The following PCDHA9 variants were observed in gnomAD, a reference collection of about 807,000 sequenced individuals.
PCDHA9 encodes protocadherin alpha-9.
A neutral mutation model predicts 62.0 loss-of-function variants in PCDHA9; 62 were observed. The observed-to-expected ratio is 1.00, with a 90% CI of 0.81 to 1.23. The LOEUF (loss-of-function observed/expected upper bound fraction) is 1.23, where lower values mean the gene tolerates loss of function less well. PCDHA9 is among the 50% of genes most tolerant of loss of function. The pLI is 0.00. For missense variants in PCDHA9, 1,205 were observed against 1,249.8 expected (o/e 0.96, Z 0.54); for synonymous variants, 557 against 567.6 (o/e 0.98, Z 0.27).
intron 1 of PCDHA9, chr5:140,852,582 A>ATTTT (rs527656692): frequency 1.2e-5 from 8 of 693,586 alleles, no homozygotes; most frequent in Non-Finnish European, 1.4e-5. Flanking sequence ...AGGCTTTTTT[A>ATTTT]TTTTTTTTTT....
chr5:140,990,834 A>G (rs1554251782), intron 3 of PCDHA9, among the ~76,000 whole-genome samples: 1 of 152,234 alleles, frequency 6.6e-6, no homozygotes, highest in East Asian at 1.9e-4. Flanking sequence ...AAAGCCTATT[A>G]GCAAAAATAG....
chr5:140,884,357 A>C, intron 1 of PCDHA9: 1 of 1,613,864 alleles, frequency 6.2e-7, no homozygotes. Context: ...GGTGGATGTC[A>C]ATGTTTACTT....
At chr5:140,972,909 G>T (rs999939821) in intron 1 of PCDHA9, among the ~76,000 whole-genome samples, 18 of 151,942 alleles carry the variant, frequency 1.2e-4, no homozygotes, top group African/African-American at 4.4e-4. Flanking sequence ...TGATCCACCC[G>T]CCTTGGCCTC....
At chr5:140,897,008 T>C (rs1215081415) in intron 1 of PCDHA9, among the ~76,000 whole-genome samples, 13 of 152,154 alleles carry the variant, frequency 8.5e-5, no homozygotes, top group Admixed American at 1.3e-4. Flanking sequence ...TATTTTTAAA[T>C]ATACAACTAA....
chr5:140,981,948 G>T (rs544785800), intron 2 of PCDHA9, among the ~76,000 whole-genome samples: 26 of 152,230 alleles, frequency 1.7e-4, no homozygotes, highest in African/African-American at 6.0e-4. Context: ...TATAGGGTGG[G>T]TCATCTATGC....
At chr5:140,927,505 G>T (rs782722913) in intron 1 of PCDHA9, 1 of 1,614,120 alleles carries the variant, frequency 6.2e-7, no homozygotes, top group East Asian at 2.2e-5. Flanking sequence ...GGTGCTTACA[G>T]CTCGGGACGG....
chr5:140,940,208 A>C (rs1193106137), intron 1 of PCDHA9, among the ~76,000 whole-genome samples: 1 of 152,164 alleles, frequency 6.6e-6, no homozygotes, highest in Non-Finnish European at 1.5e-5. Context: ...AAAATTCAAG[A>C]TTGGCATTTA....
intron 1 of PCDHA9, among the ~76,000 whole-genome samples, chr5:140,893,139 C>G (rs2063839594): frequency 6.6e-6 from 1 of 152,186 alleles, no homozygotes; most frequent in East Asian, 1.9e-4. Context: ...TCTTTATCCA[C>G]TCATCTGTTG....
chr5:140,854,562 C>G (rs1316320721), intron 1 of PCDHA9: 1 of 149,730 alleles, frequency 6.7e-6, no homozygotes, highest in Non-Finnish European at 1.5e-5. Flanking sequence ...AATATTGTTG[C>G]TCTGTCATTC....
At chr5:140,969,010 A>C (rs782688503) in intron 1 of PCDHA9, 2 of 1,614,168 alleles carry the variant, frequency 1.2e-6, no homozygotes, top group Admixed American at 3.3e-5. Context: ...TCTGTGGAGT[A>C]AGGGAAAGGT....
At chr5:140,929,148 G>A in intron 1 of PCDHA9, 1 of 1,614,190 alleles carries the variant, frequency 6.2e-7, no homozygotes, top group Middle Eastern at 1.6e-4. Flanking sequence ...GACTTTCTCA[G>A]ACTTATCTCT....
At chr5:140,984,013 A>G (rs1258063909) in intron 3 of PCDHA9, among the ~76,000 whole-genome samples, 1 of 152,234 alleles carries the variant, frequency 6.6e-6, no homozygotes, top group Non-Finnish European at 1.5e-5. Context: ...TAATATTGCC[A>G]GATTGCAAGG....
At chr5:140,879,201 G>A (rs2057895897) in intron 1 of PCDHA9, among the ~76,000 whole-genome samples, 1 of 152,164 alleles carries the variant, frequency 6.6e-6, no homozygotes, top group Non-Finnish European at 1.5e-5. Context: ...TTAAATTATG[G>A]CAGTAGAAAT....
chr5:140,955,986 C>A (rs2095245113), intron 1 of PCDHA9, among the ~76,000 whole-genome samples: 1 of 152,124 alleles, frequency 6.6e-6, no homozygotes, highest in Non-Finnish European at 1.5e-5. Flanking sequence ...GCAATTTTTG[C>A]ACATTGATTT....
chr5:140,999,594 A>G (rs1279617761), intron 3 of PCDHA9, among the ~76,000 whole-genome samples: 25 of 152,186 alleles, frequency 1.6e-4, no homozygotes, highest in Admixed American at 1.4e-3. Flanking sequence ...TGCCTTCCCT[A>G]CATCCTGGGG....
chr5:140,982,482 C>T lies in PCDHA9; in HGVS notation c.2461C>T (p.His821Tyr), dbSNP rs782273708. 1.9e-6 allele frequency: 3 copies of T among 1,614,054 alleles called. No individual in the cohort carries two copies. Among genetic ancestry groups the T allele is most frequent in the East Asian group, 4.5e-5 (2 of 44,894 alleles). The change falls in exon 3 of 4, where the codon CAC (histidine) becomes TAC (tyrosine). Residue 821 changes from histidine to tyrosine, a missense_variant. Physicochemically the swap from His to Tyr is moderately conservative, Grantham distance 83. Around this residue, in one of 3 missense-constraint regions of PCDHA9, gnomAD observed 887 missense variants for 809.5 expected, o/e 1.10. Transcript: ENST00000532602. ...SLRAGMHSSV[H>Y]LEEAGILRAG... ...GTCTGTGTGTTTATTCAGCTCTGTGCACCTAGAGGAGGCTGGCATTCTACG... is the reference window on the plus strand; with the variant it reads ...GTCTGTGTGTTTATTCAGCTCTGTGTACCTAGAGGAGGCTGGCATTCTACG...
Position 140,848,966 on chromosome 5 carries a change from G to C in PCDHA9, c.471G>C (p.Ala157=), listed in dbSNP as rs2150427042. ...ACTCTCGGTTTCCACTAGAGGGCGC[G>C]TCCGATGCAGATATCGGGGAGAACG... ...PLDSRFPLEG[A]SDADIGENAL... Residue 157 remains alanine (A), a synonymous_variant, in exon 1 of 4, where the codon GCG becomes GCC. Coordinates refer to ENST00000532602, the MANE Select transcript of PCDHA9 (RefSeq NM_031857.2). 1.9e-5 allele frequency: 31 copies of C among 1,605,602 alleles called. No homozygotes were observed. The highest frequency in any genetic ancestry group is 2.6e-5 in the Non-Finnish European group (30 of 1,175,910).
At chr5:140,970,464 G>T (rs2096408291) in intron 1 of PCDHA9, among the ~76,000 whole-genome samples, 1 of 152,154 alleles carries the variant, frequency 6.6e-6, no homozygotes, top group African/African-American at 2.4e-5. Flanking sequence ...ATTTAAGTAG[G>T]TATAAGGCCA....
rs2150482773 is a variant in PCDHA9, at chr5:140,850,408, A to G, written c.1913A>G (p.Asp638Gly). The G allele has an allele frequency of 6.3e-6, 10 of 1,597,776 alleles. 1 individual carries two copies. The South Asian group carries it at 9.9e-5, about 16-fold the overall frequency. ...GAGATCAGCACAACGCGTGCCCTGG[A>G]CGAAACGGACGCACCGCGCCAGCGC... Reference protein sequence around the residue: ...TGEISTTRALDETDAPRQRLL... With the variant: ...TGEISTTRALGETDAPRQRLL... The change falls in exon 1 of 4, where the codon GAC becomes GGC. Residue 638 changes from aspartate (D) to glycine (G), a missense_variant. Physicochemically the swap from Asp to Gly is moderately conservative, Grantham distance 94. Coordinates refer to ENST00000532602, the MANE Select transcript of PCDHA9 (RefSeq NM_031857.2).
Sources: gnomAD v4.1 joint callset for allele counts (sites outside exome capture counted in the v4.1 genomes callset) on GRCh38, gnomAD v4.1.1 for gene constraint, gnomAD v4.1.1 regional missense constraint, MANE v1.5 for transcripts, NCBI Gene and HGNC (gene_info 2026-07-23, HGNC 2026-07-21) for gene names.